The following SUMF1 variants were observed in gnomAD, a reference collection of about 807,000 sequenced individuals.
SUMF1 encodes formylglycine-generating enzyme.
In SUMF1, 48 loss-of-function variants were observed where a neutral mutation model predicts 47.6. The observed-to-expected ratio is 1.01, with a 90% CI of 0.80 to 1.28. The LOEUF is 1.28. Among genes scored for constraint, SUMF1 ranks in the 50% most tolerant of loss-of-function variants. The probability of loss-of-function intolerance (pLI) is 0.00; values close to 1 mark genes in which losing one functional copy is unlikely to be tolerated. For synonymous variants in SUMF1, 230 were observed against 192.1 expected, an observed-to-expected ratio of 1.20 and a Z score of -1.63; for missense variants, 571 against 485.4, an observed-to-expected ratio of 1.18 and a Z score of -1.66.
At chr3:4,246,207 T>A (rs1337833386) in intron 8 of SUMF1, among the ~76,000 whole-genome samples, 1 of 152,170 alleles carries the variant, frequency 6.6e-6, no homozygotes, top group African/African-American at 2.4e-5. Context: ...TCTGATCCCT[T>A]GTGCTTCCCG....
chr3:4,119,768 G>T (rs892053146), intron 8 of SUMF1, among the ~76,000 whole-genome samples: 1 of 151,920 alleles, frequency 6.6e-6, no homozygotes, highest in Non-Finnish European at 1.5e-5. Context: ...TTAGCTTGTA[G>T]TAAGTACAAA....
chr3:4,295,708 C>T (rs368295200), intron 8 of SUMF1, among the ~76,000 whole-genome samples: 1 of 152,152 alleles, frequency 6.6e-6, no homozygotes, highest in South Asian at 2.1e-4. Flanking sequence ...TATATAAATA[C>T]ATAATACTCT....
intron 8 of SUMF1, among the ~76,000 whole-genome samples, chr3:4,187,704 G>C (rs912817820): frequency 6.6e-6 from 1 of 152,152 alleles, no homozygotes; most frequent in African/African-American, 2.4e-5. Context: ...AATAGCATGT[G>C]TGTAGAGGAG....
chr3:4,359,422 T>C (rs1385293197), downstream of SUMF1, among the ~76,000 whole-genome samples: 2 of 152,148 alleles, frequency 1.3e-5, no homozygotes, highest in Non-Finnish European at 2.9e-5. Flanking sequence ...GGACTACAGG[T>C]ACACACTGCC....
At chr3:4,066,870 A>C (rs556490504) in intron 9 of SUMF1, among the ~76,000 whole-genome samples, 2 of 152,284 alleles carry the variant, frequency 1.3e-5, no homozygotes, top group East Asian at 1.9e-4. Context: ...CATAAGACCT[A>C]AGGTGATGAG....
intron 1 of SUMF1, among the ~76,000 whole-genome samples, chr3:4,461,770 G>C (rs2079820670): frequency 6.6e-6 from 1 of 152,198 alleles, no homozygotes; most frequent in African/African-American, 2.4e-5. Flanking sequence ...ATGAAATAAA[G>C]TTTTCTGTCC....
At chr3:4,222,474 G>C (rs1684093068) in intron 8 of SUMF1, among the ~76,000 whole-genome samples, 1 of 152,006 alleles carries the variant, frequency 6.6e-6, no homozygotes, top group South Asian at 2.1e-4. Flanking sequence ...ATAAATACGG[G>C]TGTCTCCATT....
At chr3:4,247,233 G>T (rs1420003001) in intron 8 of SUMF1, among the ~76,000 whole-genome samples, 1 of 152,082 alleles carries the variant, frequency 6.6e-6, no homozygotes, top group East Asian at 1.9e-4. Flanking sequence ...AACTTCCATT[G>T]CAAAAATATA....
intron 3 of SUMF1, among the ~76,000 whole-genome samples, chr3:4,423,617 A>G (rs1701977045): frequency 6.6e-6 from 1 of 152,230 alleles, no homozygotes; most frequent in Non-Finnish European, 1.5e-5. Flanking sequence ...GACAATTGGT[A>G]TATTAAATAG....
intron 8 of SUMF1, among the ~76,000 whole-genome samples, chr3:4,147,019 A>G (rs1046495696): frequency 3.3e-5 from 5 of 152,280 alleles, no homozygotes; most frequent in African/African-American, 1.2e-4. Flanking sequence ...GGATATGAAC[A>G]GACACTTCTC....
At chr3:4,260,623 T>C (rs1208998963) in intron 8 of SUMF1, among the ~76,000 whole-genome samples, 1 of 152,104 alleles carries the variant, frequency 6.6e-6, no homozygotes, top group African/African-American at 2.4e-5. Context: ...TGGTCCCAGC[T>C]ACTCAGAAGG....
intron 8 of SUMF1, among the ~76,000 whole-genome samples, chr3:4,306,752 G>GCACA (rs1698206630): frequency 6.6e-6 from 1 of 152,238 alleles, no homozygotes; most frequent in African/African-American, 2.4e-5. Context: ...ACAGGCATAT[G>GCACA]CACACATAAG....
intron 8 of SUMF1, among the ~76,000 whole-genome samples, chr3:4,282,579 T>C (rs1359739246): frequency 6.6e-6 from 1 of 152,220 alleles, no homozygotes; most frequent in East Asian, 1.9e-4. Context: ...CCACAGTTAT[T>C]ACAATTTCAA....
chr3:4,109,968 G>A (rs1206998102), intron 8 of SUMF1, among the ~76,000 whole-genome samples: 1 of 152,116 alleles, frequency 6.6e-6, no homozygotes, highest in Non-Finnish European at 1.5e-5. Flanking sequence ...TTGCTGGTGA[G>A]GAGCTGCGTT....
chr3:4,452,531 G>C (rs760085273), intron 2 of SUMF1, among the ~76,000 whole-genome samples: 5 of 152,198 alleles, frequency 3.3e-5, no homozygotes, highest in South Asian at 2.1e-4. Context: ...AAGCCTTAGT[G>C]GACAGTGGTA....
At chr3:4,336,112 G>A (rs1466121394) in intron 8 of SUMF1, among the ~76,000 whole-genome samples, 1 of 152,102 alleles carries the variant, frequency 6.6e-6, no homozygotes, top group Admixed American at 6.6e-5. Flanking sequence ...GGTCTCAAAC[G>A]ATTCAAGGTT....
chr3:4,448,384 A>G (rs1212716798), intron 3 of SUMF1, among the ~76,000 whole-genome samples: 1 of 152,092 alleles, frequency 6.6e-6, no homozygotes, highest in African/African-American at 2.4e-5. Context: ...TTGCATTAAA[A>G]AGGAAGATGA....
At position 4,174,123 on chromosome 3, in the gene SUMF1, G is replaced by A. The variant is rs192658452; in HGVS notation, c.1015-105378C>T. Among the ~76,000 whole-genome samples the A allele has an allele frequency of 1.0e-3, 154 of 152,216 alleles. 1 individual carries two copies. The highest frequency in any genetic ancestry group is 3.5e-3 in the African/African-American group (145 of 41,522). ...TGTAATCCCAGCACTTCAGGAGGCTGAGGCAGGTGGATCATGAGGTCAGGA... is the reference window on the plus strand; with the variant it reads ...TGTAATCCCAGCACTTCAGGAGGCTAAGGCAGGTGGATCATGAGGTCAGGA... On this transcript the variant is annotated intron_variant and NMD_transcript_variant, in intron 8 of 12. Transcript: ENST00000448413.
Position 4,057,798 on chromosome 3 carries a change from G to T in SUMF1, c.1191+10771C>A, listed in dbSNP as rs144487693. 2.0e-4 allele frequency among the ~76,000 whole-genome samples: 30 copies of T among 152,238 alleles called. 2 individuals carry two copies. The highest frequency in any genetic ancestry group is 7.0e-4 in the African/African-American group (29 of 41,560). On this transcript the variant is annotated intron_variant and NMD_transcript_variant, in intron 9 of 12. Coordinates refer to the SUMF1 transcript ENST00000448413. ...GGCATTTGAGTAGTTTATGGGGATA[G>T]ATTATTTTTAACAACATAAACACAG...
Sources: allele counts gnomAD v4.1 joint callset (sites outside exome capture counted in the v4.1 genomes callset), GRCh38; gene constraint gnomAD v4.1.1; transcripts MANE v1.5; gene names NCBI Gene and HGNC (gene_info 2026-07-23, HGNC 2026-07-21).